Variants in ZCWPW2 observed in about 807,000 individuals in gnomAD.
The protein encoded by ZCWPW2 is zinc finger CW-type and PWWP domain containing 2.
ZCWPW2 carries 45 observed loss-of-function variants against 46.6 expected under a neutral mutation model. That is an observed-to-expected ratio of 0.96 (90% CI 0.76 to 1.24). The LOEUF is 1.24. Among genes scored for constraint, ZCWPW2 ranks in the 50% most tolerant of loss-of-function variants. The pLI, the probability that ZCWPW2 is intolerant of heterozygous loss-of-function variation, is 0.00. For synonymous variants in ZCWPW2, 152 were observed against 137.1 expected, an observed-to-expected ratio of 1.11 and a Z score of -0.76; for missense variants, 429 against 403.9, an observed-to-expected ratio of 1.06 and a Z score of -0.53.
chr3:28,406,597 T>C (rs1696170160), intron 2 of ZCWPW2, among the ~76,000 whole-genome samples: 1 of 150,102 alleles, frequency 6.7e-6, no homozygotes. Flanking sequence ...AATTATGAAG[T>C]ATCTTATTTT....
intron 3 of ZCWPW2, among the ~76,000 whole-genome samples, chr3:28,429,797 G>A (rs973921905): frequency 6.6e-6 from 1 of 152,198 alleles, no homozygotes; most frequent in African/African-American, 2.4e-5. Flanking sequence ...ATGCAGCTCA[G>A]ACTGTTGCTT....
At chr3:28,357,294 A>G (rs1363443656) in intron 1 of ZCWPW2, among the ~76,000 whole-genome samples, 1 of 152,198 alleles carries the variant, frequency 6.6e-6, no homozygotes, top group African/African-American at 2.4e-5. Context: ...TTGTGTAGCA[A>G]AGGAGAAGGA....
intron 2 of ZCWPW2, among the ~76,000 whole-genome samples, chr3:28,410,378 T>A (rs1447125602): frequency 1.3e-5 from 2 of 151,624 alleles, no homozygotes. Flanking sequence ...CTTGGTATAA[T>A]GATTAAATGT....
Position 28,433,791 on chromosome 3 carries a change from A to C in ZCWPW2, c.333-1319A>C, listed in dbSNP as rs563209335. 2.0e-5 allele frequency among the ~76,000 whole-genome samples: 3 copies of C among 150,532 alleles called. No individual in the cohort carries two copies. In the South Asian group the frequency reaches 6.3e-4, roughly 31 times the overall value. On this transcript the variant is annotated intron_variant, in intron 3 of 9. Transcript: ENST00000383768. ...AAAACAAAAAACAAAAAACAAAAAA[A>C]ACTTACTTCATCACTTCATCAGGTT... is the stretch of plus-strand genomic sequence containing the variant.
intron 6 of ZCWPW2, among the ~76,000 whole-genome samples, chr3:28,506,437 A>G (rs1700281133): frequency 6.6e-6 from 1 of 152,074 alleles, no homozygotes; most frequent in African/African-American, 2.4e-5. Flanking sequence ...GTACTAGGCT[A>G]GACAACATAG....
chr3:28,475,945 C>T (rs745906533), intron 4 of ZCWPW2, among the ~76,000 whole-genome samples: 9 of 152,048 alleles, frequency 5.9e-5, no homozygotes, highest in Non-Finnish European at 1.2e-4. Flanking sequence ...TATATATTGT[C>T]TCTTCTCATA....
rs879785754 is a variant in ZCWPW2, at chr3:28,364,647, CT to C, written c.-134+15453del. 3.0e-3 allele frequency among the ~76,000 whole-genome samples: 452 copies of C among 151,404 alleles called. 3 individuals carry two copies. Among genetic ancestry groups the C allele is most frequent in the African/African-American group, 7.7e-3 (317 of 41,282 alleles). On this transcript the variant is annotated intron_variant, in intron 1 of 9. Coordinates refer to ENST00000383768, the MANE Select transcript of ZCWPW2 (RefSeq NM_001040432.4). Reference sequence around the variant, plus strand: ...TTTTAATTTTTAAATTATGGCCATTCTTTTTTTTTATTATACTTTAAGTTTT... The same window carrying C: ...TTTTAATTTTTAAATTATGGCCATTCTTTTTTTTATTATACTTTAAGTTTT...
intron 4 of ZCWPW2, among the ~76,000 whole-genome samples, chr3:28,437,590 G>C (rs1697551880): frequency 6.6e-6 from 1 of 151,972 alleles, no homozygotes; most frequent in South Asian, 2.1e-4. Flanking sequence ...ATTTTATTAA[G>C]AGCACAACAG....
chr3:28,434,085 T>G (rs1697384842), intron 3 of ZCWPW2, among the ~76,000 whole-genome samples: 1 of 152,198 alleles, frequency 6.6e-6, no homozygotes, highest in South Asian at 2.1e-4. Flanking sequence ...GTGCTAAATT[T>G]GTTTTTATTT....
intron 1 of ZCWPW2, among the ~76,000 whole-genome samples, chr3:28,387,672 A>C (rs1695325077): frequency 6.6e-6 from 1 of 152,178 alleles, no homozygotes; most frequent in Non-Finnish European, 1.5e-5. Context: ...TAATTTAAGA[A>C]TAAGTTGCAG....
At chr3:28,461,651 C>T (rs1698641772) in intron 4 of ZCWPW2, 1 of 152,018 alleles carries the variant, frequency 6.6e-6, no homozygotes, top group Admixed American at 6.6e-5. Context: ...TTATACTACT[C>T]AATAAATATT....
intron 1 of ZCWPW2, among the ~76,000 whole-genome samples, chr3:28,372,832 G>T (rs1275146087): frequency 6.6e-6 from 1 of 152,048 alleles, no homozygotes; most frequent in Non-Finnish European, 1.5e-5. Flanking sequence ...AGCTCCATGT[G>T]TACCCATTGT....
intron 4 of ZCWPW2, among the ~76,000 whole-genome samples, chr3:28,455,688 C>T (rs1474083120): frequency 6.6e-6 from 1 of 152,064 alleles, no homozygotes; most frequent in Admixed American, 6.6e-5. Context: ...GGTCCAGTTT[C>T]AATTTTCTAG....
chr3:28,370,932 A>G (rs35434183), intron 1 of ZCWPW2, among the ~76,000 whole-genome samples: 33,648 of 151,882 alleles, frequency 0.22, 4,259 homozygotes, highest in Middle Eastern at 0.29. Context: ...GGGTTTCTCC[A>G]TGTTGGTCAG....
chr3:28,422,213 C>T (rs1175789608), intron 3 of ZCWPW2, among the ~76,000 whole-genome samples: 2 of 151,980 alleles, frequency 1.3e-5, no homozygotes, highest in East Asian at 3.9e-4. Flanking sequence ...TTATCATTAT[C>T]AATGAAGTCC....
intron 5 of ZCWPW2, among the ~76,000 whole-genome samples, chr3:28,487,708 A>G (rs767133624): frequency 6.6e-5 from 10 of 152,148 alleles, no homozygotes; most frequent in Non-Finnish European, 1.3e-4. Flanking sequence ...GGGTAAAATA[A>G]CTGCAATCAT....
intron 6 of ZCWPW2, among the ~76,000 whole-genome samples, chr3:28,509,478 C>T (rs2125830244): frequency 6.6e-6 from 1 of 152,216 alleles, no homozygotes; most frequent in African/African-American, 2.4e-5. Flanking sequence ...CTTCACATCC[C>T]TGTGAACACT....
intron 8 of ZCWPW2, among the ~76,000 whole-genome samples, chr3:28,516,835 C>T (rs1700586055): frequency 6.7e-6 from 1 of 149,072 alleles, no homozygotes; most frequent in Non-Finnish European, 1.5e-5. Flanking sequence ...AGTGAGACCT[C>T]ATCTCTACTA....
Position 28,435,113 on chromosome 3 carries a change from G to T in ZCWPW2, c.336G>T (p.Trp112Cys). The T allele has an allele frequency of 1.2e-6, 2 of 1,605,468 alleles. No individual in the cohort carries two copies. The highest frequency in any genetic ancestry group is 1.3e-5 in the African/African-American group (1 of 74,572). The change falls in exon 4 of 10, where the codon TGG becomes TGT. Residue 112 changes from tryptophan (W) to cysteine (C), a missense_variant. By Grantham distance (215) the Trp-to-Cys change is radical. Coordinates refer to ENST00000383768, the MANE Select transcript of ZCWPW2 (RefSeq NM_001040432.4). ...TACAAATATTTTCTTTTGAAAGTTG[G>T]CCAGGAATACTTTGCCCTGACCGTT... ...VLVKLQNWPS[W>C]PGILCPDRFK...
Sources: allele counts gnomAD v4.1 joint callset (sites outside exome capture counted in the v4.1 genomes callset), GRCh38; gene constraint gnomAD v4.1.1; transcripts MANE v1.5; gene names NCBI Gene and HGNC (gene_info 2026-07-23, HGNC 2026-07-21).